The following BMAL2 variants were observed in gnomAD, a reference collection of about 807,000 sequenced individuals.
The protein encoded by BMAL2 is basic helix-loop-helix ARNT-like protein 2.
the BMAL2 span, chr12:27,400,848 A>T: frequency 1.5e-6 from 2 of 1,329,712 alleles, no homozygotes; most frequent in Non-Finnish European, 2.0e-6. Flanking sequence ...TCTTAGTAGC[A>T]CTGCTAGTTT....
chr12:27,412,669 C>T, the BMAL2 span, among the ~76,000 whole-genome samples: 1 of 151,676 alleles, frequency 6.6e-6, no homozygotes, highest in African/African-American at 2.4e-5. Context: ...TAGAGAAAGT[C>T]AGAGGCAAAG....
chr12:27,396,922 T>C, the BMAL2 span, among the ~76,000 whole-genome samples: 1 of 152,172 alleles, frequency 6.6e-6, no homozygotes, highest in Non-Finnish European at 1.5e-5. Context: ...GATGACCTGC[T>C]TGAGGGTCAT....
chr12:27,414,772 A>G, the BMAL2 span, among the ~76,000 whole-genome samples: 183 of 152,282 alleles, frequency 1.2e-3, no homozygotes, highest in African/African-American at 4.2e-3. Context: ...AAGGAAGGAA[A>G]TTATCAGAGC....
the BMAL2 span, chr12:27,376,261 G>C: frequency 0.037 from 44,541 of 1,204,858 alleles, 3,801 homozygotes; most frequent in East Asian, 0.33. Context: ...TGATTGATTG[G>C]ACTTAATCTC....
chr12:27,389,704 G>A, the BMAL2 span: 1 of 179,772 alleles, frequency 5.6e-6, no homozygotes, highest in African/African-American at 2.4e-5. Context: ...ATTGTGTTTG[G>A]GAAGTATAAG....
chr12:27,380,379 T>C, the BMAL2 span: 23 of 1,614,168 alleles, frequency 1.4e-5, no homozygotes, highest in Non-Finnish European at 1.9e-5. Context: ...TAAGAATGGC[T>C]GTTCAACACT....
chr12:27,415,309 A>C, the BMAL2 span, among the ~76,000 whole-genome samples: 1 of 152,236 alleles, frequency 6.6e-6, no homozygotes, highest in African/African-American at 2.4e-5. Context: ...TTTACTATGT[A>C]TATGTACAGT....
chr12:27,354,305 A>G, the BMAL2 span, among the ~76,000 whole-genome samples: 1 of 152,188 alleles, frequency 6.6e-6, no homozygotes, highest in African/African-American at 2.4e-5. Context: ...TCCTAGGCAA[A>G]TTAACACAGG....
At chr12:27,399,523 C>T in the BMAL2 span, among the ~76,000 whole-genome samples, 4 of 152,278 alleles carry the variant, frequency 2.6e-5, no homozygotes, top group South Asian at 2.1e-4. Flanking sequence ...ATGAGTTATA[C>T]GTTTAAAGCA....
chr12:27,362,578 T>C, the BMAL2 span, among the ~76,000 whole-genome samples: 2 of 152,142 alleles, frequency 1.3e-5, no homozygotes, highest in Non-Finnish European at 2.9e-5. Flanking sequence ...CCCCTTTCTT[T>C]TCCCGAAGAG....
the BMAL2 span, among the ~76,000 whole-genome samples, chr12:27,353,289 T>G: frequency 2.0e-5 from 3 of 152,208 alleles, no homozygotes; most frequent in Non-Finnish European, 4.4e-5. Flanking sequence ...TACAACCATC[T>G]GATCTTCGAC....
chr12:27,410,522 A>T, the BMAL2 span, among the ~76,000 whole-genome samples: 1 of 152,068 alleles, frequency 6.6e-6, no homozygotes, highest in Non-Finnish European at 1.5e-5. Context: ...GCATGTTCTC[A>T]CTCATAGGTG....
At chr12:27,401,362 A>T in the BMAL2 span, 1 of 1,611,942 alleles carries the variant, frequency 6.2e-7, no homozygotes, top group Non-Finnish European at 8.5e-7. Flanking sequence ...AGCACAAAGC[A>T]GGTAGGTATG....
chr12:27,342,227 T>C, the BMAL2 span, among the ~76,000 whole-genome samples: 1 of 152,216 alleles, frequency 6.6e-6, no homozygotes, highest in Admixed American at 6.5e-5. Flanking sequence ...CATGAGCCAC[T>C]GCACCCAGCC....
the BMAL2 span, among the ~76,000 whole-genome samples, chr12:27,404,011 A>T: frequency 6.6e-6 from 1 of 151,650 alleles, no homozygotes; most frequent in Non-Finnish European, 1.5e-5. Context: ...AAAAAAAAAA[A>T]ATTAGCTGGA....
chr12:27,410,695 T>C, the BMAL2 span, among the ~76,000 whole-genome samples: 6 of 152,212 alleles, frequency 3.9e-5, no homozygotes, highest in African/African-American at 1.4e-4. Context: ...TGTATACATA[T>C]GTAAGAAACC....
the BMAL2 span, among the ~76,000 whole-genome samples, chr12:27,382,342 G>A: frequency 6.6e-6 from 1 of 152,160 alleles, no homozygotes; most frequent in Non-Finnish European, 1.5e-5. Flanking sequence ...CCTGTTCTGT[G>A]CTGAGAATAT....
chr12:27,420,386 T>G, the BMAL2 span: 1 of 1,614,002 alleles, frequency 6.2e-7, no homozygotes, highest in Non-Finnish European at 8.5e-7. Flanking sequence ...GCCTGTATTT[T>G]AATTCATAGG....
the BMAL2 span, chr12:27,370,296 A>G: frequency 8.2e-7 from 1 of 1,216,636 alleles, no homozygotes; most frequent in Non-Finnish European, 1.2e-6. Context: ...GTGGCAGTGA[A>G]AACATGATAC....
Sources: gnomAD v4.1 joint callset for allele counts (sites outside exome capture counted in the v4.1 genomes callset) on GRCh38, gnomAD v4.1.1 for gene constraint, MANE v1.5 for transcripts, NCBI Gene and HGNC (gene_info 2026-07-23, HGNC 2026-07-21) for gene names.